Variants in FAM107A observed in about 807,000 individuals in gnomAD.
FAM107A encodes actin-associated protein FAM107A.
Under a neutral mutation model 13.7 loss-of-function variants are expected in FAM107A, and 19 were observed. The observed-to-expected ratio is 1.38, with a 90% CI of 0.97 to 2.03. The LOEUF is 2.03. Ranked by LOEUF, FAM107A falls within the 30% of genes most tolerant of loss-of-function variation. The probability of loss-of-function intolerance (pLI) is 0.00; values close to 1 mark genes in which losing one functional copy is unlikely to be tolerated. For synonymous variants in FAM107A, 82 were observed against 74.5 expected (o/e 1.10, Z -0.52); for missense variants, 203 against 184.4 (o/e 1.10, Z -0.58).
At chr3:58,621,908 C>T (rs989788084) in intron 1 of FAM107A, among the ~76,000 whole-genome samples, 1 of 152,202 alleles carries the variant, frequency 6.6e-6, no homozygotes, top group African/African-American at 2.4e-5. Flanking sequence ...GACCTCTGAG[C>T]CTCAGTGTCT....
intron 1 of FAM107A, among the ~76,000 whole-genome samples, chr3:58,572,944 C>T (rs1046564483): frequency 6.6e-6 from 1 of 152,172 alleles, no homozygotes. Context: ...AAGTGGCACT[C>T]CTTTTTTATT....
chr3:58,594,121 A>G (rs1369259113), intron 1 of FAM107A, among the ~76,000 whole-genome samples: 1 of 152,144 alleles, frequency 6.6e-6, no homozygotes, highest in Non-Finnish European at 1.5e-5. Context: ...CCAAAGCCCA[A>G]CTATGGACAT....
intron 1 of FAM107A, among the ~76,000 whole-genome samples, chr3:58,584,990 A>T (rs1211267414): frequency 2.6e-5 from 4 of 152,132 alleles, no homozygotes; most frequent in Non-Finnish European, 5.9e-5. Context: ...TTTGTTCATG[A>T]CGCCAAGAAC....
intron 1 of FAM107A, chr3:58,607,959 A>C (rs1347379048): frequency 6.6e-6 from 1 of 152,238 alleles, no homozygotes; most frequent in East Asian, 1.9e-4. Flanking sequence ...AGCGGTGCCC[A>C]GACTCCTGCC....
upstream of FAM107A, among the ~76,000 whole-genome samples, chr3:58,581,120 A>T (rs541074158): frequency 6.6e-6 from 1 of 152,228 alleles, no homozygotes; most frequent in Non-Finnish European, 1.5e-5. Context: ...TCCAAAAGGA[A>T]GGACTCTGGG....
chr3:58,591,761 T>C (rs1422406629), upstream of FAM107A, among the ~76,000 whole-genome samples: 1 of 152,222 alleles, frequency 6.6e-6, no homozygotes, highest in Non-Finnish European at 1.5e-5. The surrounding 1 kb of genome is among the most constrained non-coding windows in gnomAD (Gnocchi z 4.3). Context: ...CTTTCAGCCC[T>C]GCTTCCTTCA....
chr3:58,598,903 C>T (rs759787926), intron 1 of FAM107A, among the ~76,000 whole-genome samples: 57 of 151,862 alleles, frequency 3.8e-4, no homozygotes, highest in South Asian at 6.2e-4. Context: ...TAAACCATTA[C>T]GCTTTAGTTG....
Position 58,576,047 on chromosome 3 carries a change from G to A in FAM107A, c.-6+1262C>T, listed in dbSNP as rs904851355. Among the ~76,000 whole-genome samples, 42 of 152,202 alleles carry A rather than the reference G, an allele frequency of 2.8e-4. 1 individual carries two copies. Among genetic ancestry groups the A allele is most frequent in the African/African-American group, 1.0e-3 (42 of 41,454 alleles). On this transcript the variant is annotated intron_variant, in intron 1 of 3. Coordinates refer to ENST00000360997, the MANE Select transcript of FAM107A (RefSeq NM_001076778.3). ...GGCATTCAGTAAAAGTGACAAGCAC[G>A]GTCACTGGATTTCCTGACCCTTCTG...
At position 58,565,763 on chromosome 3, in the gene FAM107A, C is replaced by T. The variant is rs1340171828; in HGVS notation, c.*825G>A. The T allele has an allele frequency of 6.6e-6, 1 of 152,200 alleles. No homozygotes were observed. Among genetic ancestry groups the T allele is most frequent in the Non-Finnish European group, 1.5e-5 (1 of 68,082 alleles). The allele number at this position is 152,200 out of a possible 1,614,324, so 9.4% of individuals were successfully genotyped here. ...GGCACTCTCGCCCTGCTGCTCACAG[C>T]ATGGTCCTCACACCAGCAGCCTCCG... On this transcript the variant is annotated 3_prime_UTR_variant, in exon 4 of 4. Coordinates refer to ENST00000360997, the MANE Select transcript of FAM107A (RefSeq NM_001076778.3).
upstream of FAM107A, among the ~76,000 whole-genome samples, chr3:58,581,994 A>ATG (rs1365084120): frequency 6.6e-6 from 1 of 151,898 alleles, no homozygotes; most frequent in African/African-American, 2.4e-5. Context: ...GAGAGGGAGC[A>ATG]TGTGTGTGTG....
intron 1 of FAM107A, among the ~76,000 whole-genome samples, chr3:58,620,693 G>C (rs1206680600): frequency 6.6e-6 from 1 of 152,224 alleles, no homozygotes; most frequent in Non-Finnish European, 1.5e-5. Flanking sequence ...GGCTCCACTG[G>C]TAGAGGGTGG....
At chr3:58,589,264 T>C (rs972372365), upstream of FAM107A, 4 of 1,530,320 alleles carry the variant, frequency 2.6e-6, no homozygotes, top group African/African-American at 1.4e-5. Flanking sequence ...GAGGAGAGTA[T>C]GTTTTCTGTA....
At chr3:58,586,890 G>T (rs1489242797) in exon 1 of FAM107A, 1 of 1,533,282 alleles carries the variant, frequency 6.5e-7, no homozygotes, top group East Asian at 2.5e-5. Flanking sequence ...GTAGAGCCCG[G>T]TGGCATCGGA....
chr3:58,599,645 A>G (rs1156507886), intron 1 of FAM107A, among the ~76,000 whole-genome samples: 1 of 118,734 alleles, frequency 8.4e-6, no homozygotes, highest in Non-Finnish European at 1.8e-5. Flanking sequence ...TTACACAGGT[A>G]TTTTCAGTTT....
upstream of FAM107A, chr3:58,577,569 T>C (rs189647918): frequency 4.4e-4 from 429 of 985,446 alleles, 3 homozygotes; most frequent in African/African-American, 7.1e-3. The surrounding 1 kb of genome is among the most constrained non-coding windows in gnomAD (Gnocchi z 4.9). Context: ...CGGAACATCA[T>C]GTCCAAGCCA....
chr3:58,575,199 G>A (rs2063720779), intron 1 of FAM107A, among the ~76,000 whole-genome samples: 1 of 152,220 alleles, frequency 6.6e-6, no homozygotes, highest in South Asian at 2.1e-4. Flanking sequence ...TGGAGACAGA[G>A]TGGGTTTGAT....
chr3:58,589,479 G>C (rs758785842), upstream of FAM107A, among the ~76,000 whole-genome samples: 17 of 152,070 alleles, frequency 1.1e-4, no homozygotes, highest in Middle Eastern at 3.2e-3. Flanking sequence ...GTATTTATGA[G>C]ACTCATGCTC....
At chr3:58,566,772 C>T in intron 3 of FAM107A, 77 bp from the exon 4 acceptor site, 1 of 1,195,410 alleles carries the variant, frequency 8.4e-7, no homozygotes, top group East Asian at 2.3e-5. Flanking sequence ...GGAGTTTGGA[C>T]CAAGGGCCCA....
At chr3:58,570,165 G>A (rs895934169) in intron 1 of FAM107A, among the ~76,000 whole-genome samples, 8 of 152,180 alleles carry the variant, frequency 5.3e-5, no homozygotes, top group Non-Finnish European at 8.8e-5. Context: ...CATATTTTTG[G>A]CCTGGCTTTG....
Sources: allele counts gnomAD v4.1 joint callset (sites outside exome capture counted in the v4.1 genomes callset), GRCh38; gene constraint gnomAD v4.1.1; non-coding constraint Gnocchi (gnomAD v3.1); transcripts MANE v1.5; gene names NCBI Gene and HGNC (gene_info 2026-07-23, HGNC 2026-07-21).